The following SLC38A10 variants were observed in gnomAD, a reference collection of about 807,000 sequenced individuals.
SLC38A10 encodes the protein solute carrier family 38 member 10.
SLC38A10 carries 53 observed loss-of-function variants against 81.0 expected under a neutral mutation model. The ratio of observed to expected loss-of-function variants is 0.65; its 90% CI spans 0.53 to 0.82. The LOEUF is 0.82. Among genes scored for constraint, SLC38A10 ranks in the 40% least tolerant of loss-of-function variants. The pLI is 0.00. For missense variants in SLC38A10, 1,471 were observed against 1,545.0 expected, an observed-to-expected ratio of 0.95 and a Z score of 0.80; for synonymous variants, 665 against 655.3, an observed-to-expected ratio of 1.01 and a Z score of -0.23.
chr17:81,245,116 C>T lies in SLC38A10; in HGVS notation c.*440G>A, dbSNP rs1265614802. The T allele has an allele frequency of 5.6e-6, 1 of 177,342 alleles. No homozygotes were observed. The highest frequency in any genetic ancestry group is 1.2e-5 in the Non-Finnish European group (1 of 85,310). 11.0% of individuals were successfully genotyped at this position (177,342 alleles called of 1,614,324 possible). ...GCAAGCGTGGGGTTGGATGCTGGCT[C>T]TCACAGTAGCCTGTGTTGGGACCAT... On this transcript the variant is annotated 3_prime_UTR_variant, in exon 16 of 16. Transcript: ENST00000374759.
chr17:81,289,749 C>A lies in SLC38A10; in HGVS notation c.159G>T (p.Ser53=), dbSNP rs74592006. 1.5e-3 allele frequency: 2,436 copies of A among 1,611,530 alleles called. 64 individuals are homozygous for A. In the East Asian group the frequency reaches 0.043, roughly 28 times the overall value. ...LVFCSWMTHQ[S]CMFLVKSASL... ...TGGCCGACTTCACCAAGAACATGCA[C>A]GACTGGTGCGTCATCCATGAGCAGA... is the stretch of plus-strand genomic sequence containing the variant. The change falls in exon 2 of 16, where the codon TCG becomes TCT. Residue 53 remains serine, a synonymous_variant. Transcript: ENST00000374759. The surrounding 1 kb of genome is among the most constrained non-coding windows in gnomAD (Gnocchi z 5.9).
At chr17:81,293,543 C>CTCTA (rs2063326248) in intron 1 of SLC38A10, among the ~76,000 whole-genome samples, 1 of 151,992 alleles carries the variant, frequency 6.6e-6, no homozygotes, top group African/African-American at 2.4e-5. Flanking sequence ...GCAATCATAG[C>CTCTA]TCACTGTAAT....
Position 81,246,081 on chromosome 17 carries a change from C to G in SLC38A10, c.2835G>C (p.Ala945=). Reference sequence around the variant, plus strand: ...CCTGGGGCTGTGCAGCTGCTCCTTCCGCCCCACCGGGCAGGTCCGCTGCAA... The same window carrying G: ...CCTGGGGCTGTGCAGCTGCTCCTTCGGCCCCACCGGGCAGGTCCGCTGCAA... ...LGLAADLPGG[A]EGAAAQPQAV... Residue 945 remains alanine (A), a synonymous_variant, in exon 16 of 16, where the codon GCG becomes GCC. Coordinates refer to ENST00000374759, the MANE Select transcript of SLC38A10 (RefSeq NM_001037984.3). 1 of 1,608,588 alleles carries G rather than the reference C, an allele frequency of 6.2e-7. No homozygotes were observed. Among genetic ancestry groups the G allele is most frequent in the African/African-American group, 1.3e-5 (1 of 75,066 alleles).
intron 14 of SLC38A10, among the ~76,000 whole-genome samples, chr17:81,248,159 G>A (rs188656828): frequency 1.6e-4 from 25 of 152,084 alleles, no homozygotes; most frequent in African/African-American, 4.8e-4. Flanking sequence ...GGGTTTCACC[G>A]TGTTAGCCAG....
intron 14 of SLC38A10, chr17:81,247,313 C>A: frequency 2.6e-6 from 1 of 378,400 alleles, no homozygotes; most frequent in Admixed American, 4.4e-5. Flanking sequence ...TGGCCTCTCC[C>A]GCACAGCCAG....
chr17:81,271,194 G>A (rs942097221), intron 9 of SLC38A10, among the ~76,000 whole-genome samples, 170 bp from the exon 10 acceptor site: 1 of 152,224 alleles, frequency 6.6e-6, no homozygotes, highest in African/African-American at 2.4e-5. Context: ...TGACAACCGC[G>A]GCTGATTCCT....
intron 6 of SLC38A10, chr17:81,279,672 G>T: frequency 6.4e-6 from 1 of 155,384 alleles, no homozygotes; most frequent in Non-Finnish European, 1.4e-5. Context: ...AGGTGCACCG[G>T]CTGCTACGTG....
chr17:81,273,885 C>T (rs557005905), intron 8 of SLC38A10, among the ~76,000 whole-genome samples: 3 of 152,282 alleles, frequency 2.0e-5, no homozygotes, highest in East Asian at 1.9e-4. Context: ...GAAACGCTCA[C>T]GGCACATGGG....
rs1237248728 is a variant in SLC38A10, at chr17:81,277,012, G to A, written c.729+19C>T. The A allele has an allele frequency of 1.2e-6, 2 of 1,609,216 alleles. No homozygotes were observed. Among genetic ancestry groups the A allele is most frequent in the African/African-American group, 1.3e-5 (1 of 74,860 alleles). ...GCTGGCATGACACAGGGGCGGAGAG[G>A]GCGTGGCAAGGCTCTTACCATGACG... On this transcript the variant is annotated intron_variant, in intron 7 of 15. Transcript: ENST00000374759. The surrounding 1 kb of genome is among the most constrained non-coding windows in gnomAD (Gnocchi z 4.5).
rs1193528534 is a variant in SLC38A10, at chr17:81,265,379, G to A, written c.1132-4985C>T. 6.6e-6 allele frequency: 1 copy of A among 152,308 alleles called. No homozygotes were observed. Among genetic ancestry groups the A allele is most frequent in the African/African-American group, 2.4e-5 (1 of 41,562 alleles). 9.4% of individuals were successfully genotyped at this position (152,308 alleles called of 1,614,324 possible). A position where few individuals can be genotyped will look rare whatever the true frequency, so the allele number is the denominator to read the frequency against. On this transcript the variant is annotated intron_variant, in intron 10 of 15. Coordinates refer to ENST00000374759, the MANE Select transcript of SLC38A10 (RefSeq NM_001037984.3). This position sits in a 1 kb window ranked among gnomAD's most constrained non-coding sequence, Gnocchi z 4.2. ...AGCCTGGGCGACAGAGCGAGACTCT[G>A]TCTCAAAAAATAAAAAAAGAACAAA...
At chr17:81,292,176 G>A (rs1323882315) in intron 1 of SLC38A10, among the ~76,000 whole-genome samples, 2 of 152,022 alleles carry the variant, frequency 1.3e-5, no homozygotes, top group Non-Finnish European at 2.9e-5. Flanking sequence ...TGCCCAGGCT[G>A]GAGTGCAGTG....
At position 81,286,784 on chromosome 17, in the gene SLC38A10, C is replaced by T. The variant is rs2063270906; in HGVS notation, c.218-1889G>A. ...AAGCCTGGACCACCCAACGAAAGGA[C>T]GCGGGCAGCACTCCTGACACCGCTG... On this transcript the variant is annotated intron_variant, in intron 2 of 15. Transcript: ENST00000374759. The surrounding 1 kb of genome is among the most constrained non-coding windows in gnomAD (Gnocchi z 6.0). Among the ~76,000 whole-genome samples, 1 of 152,166 alleles carries T rather than the reference C, an allele frequency of 6.6e-6. No individual in the cohort carries two copies. The highest frequency in any genetic ancestry group is 1.5e-5 in the Non-Finnish European group (1 of 68,024).
Position 81,252,494 on chromosome 17 carries a change from T to C in SLC38A10, c.1646A>G (p.Lys549Arg). The C allele has an allele frequency of 6.2e-7, 1 of 1,613,376 alleles. No individual in the cohort carries two copies. Among genetic ancestry groups the C allele is most frequent in the Non-Finnish European group, 8.5e-7 (1 of 1,179,960 alleles). ...APPLPDSERE[K>R]QEPEQGEVGK... ...AACCTCTCCCTGCTCCGGCTCTTGT[T>C]TCTCTCTTTCTGAGTCGGGCAGAGG... Residue 549 changes from lysine to arginine, a missense_variant, in exon 13 of 16, where the codon AAA becomes AGA. Physicochemically the swap from Lys to Arg is conservative, Grantham distance 26. Coordinates refer to ENST00000374759, the MANE Select transcript of SLC38A10 (RefSeq NM_001037984.3).
At chr17:81,272,940 C>T (rs1160916215) in intron 8 of SLC38A10, among the ~76,000 whole-genome samples, 2 of 152,136 alleles carry the variant, frequency 1.3e-5, no homozygotes, top group Non-Finnish European at 2.9e-5. Flanking sequence ...AGCAATACCA[C>T]GAGAGTTTTT....
chr17:81,275,690 C>G (rs937431491), intron 8 of SLC38A10, among the ~76,000 whole-genome samples: 7 of 138,608 alleles, frequency 5.1e-5, no homozygotes, highest in Admixed American at 1.5e-4. Context: ...CGAGATCGCG[C>G]CACTGCACTC....
intron 11 of SLC38A10, among the ~76,000 whole-genome samples, chr17:81,255,148 C>T (rs771777864): frequency 3.3e-5 from 5 of 152,242 alleles, no homozygotes; most frequent in Non-Finnish European, 5.9e-5. Context: ...GGGAACGCCA[C>T]GCCTCTCAGC....
chr17:81,278,059 G>A (rs2063177883), intron 6 of SLC38A10, among the ~76,000 whole-genome samples: 1 of 120,038 alleles, frequency 8.3e-6, no homozygotes, highest in South Asian at 2.3e-4. Flanking sequence ...CAGAAAGCCA[G>A]CAGCCAGTAA....
At chr17:81,284,812 G>A in intron 3 of SLC38A10, 38 bp downstream of exon 3, 4 of 1,492,080 alleles carry the variant, frequency 2.7e-6, no homozygotes, top group South Asian at 1.3e-5. Context: ...TCTGGGTGCG[G>A]GGGTGGGGGG....
intron 11 of SLC38A10, among the ~76,000 whole-genome samples, chr17:81,254,243 GA>G (rs1314147516): frequency 3.9e-5 from 6 of 152,224 alleles, no homozygotes; most frequent in African/African-American, 1.4e-4. Flanking sequence ...TCCCATAGGA[GA>G]AGAAAATGGG....
Sources: allele counts gnomAD v4.1 joint callset (sites outside exome capture counted in the v4.1 genomes callset), GRCh38; gene constraint gnomAD v4.1.1; non-coding constraint Gnocchi (gnomAD v3.1); transcripts MANE v1.5; gene names NCBI Gene and HGNC (gene_info 2026-07-23, HGNC 2026-07-21).